The following CACNA1D variants were observed in gnomAD, a reference collection of about 807,000 sequenced individuals.
CACNA1D encodes voltage-dependent L-type calcium channel subunit alpha-1D.
CACNA1D carries 55 observed loss-of-function variants against 257.1 expected under a neutral mutation model. That is an observed-to-expected ratio of 0.21 (90% CI 0.17 to 0.27). CACNA1D has a LOEUF of 0.27. CACNA1D is among the 10% of genes least tolerant of loss of function. The pLI, the probability that CACNA1D is intolerant of heterozygous loss-of-function variation, is 1.00. For missense variants in CACNA1D, 1,876 were observed against 2,784.0 expected (o/e 0.67, Z 7.34); for synonymous variants, 980 against 1,014.9 (o/e 0.97, Z 0.65).
chr3:53,578,720 A>T (rs1575950980), intron 3 of CACNA1D, among the ~76,000 whole-genome samples: 1 of 152,218 alleles, frequency 6.6e-6, no homozygotes, highest in East Asian at 1.9e-4. Flanking sequence ...TTCTTCAGGG[A>T]AGGCCTCATG....
At chr3:53,632,193 C>T (rs1256876730) in intron 3 of CACNA1D, among the ~76,000 whole-genome samples, 1 of 152,222 alleles carries the variant, frequency 6.6e-6, no homozygotes, top group African/African-American at 2.4e-5. Context: ...CATCAGTGAT[C>T]TTAGATCGTC....
intron 39 of CACNA1D, 188 bp from the exon 40 acceptor site, chr3:53,786,634 G>C: frequency 1.7e-6 from 1 of 606,024 alleles, no homozygotes; most frequent in Non-Finnish European, 3.0e-6. Flanking sequence ...AGCCTTAGTT[G>C]CTTTGCAAAA....
intron 10 of CACNA1D, 194 bp downstream of exon 10, chr3:53,718,582 G>GC (rs1366626952): frequency 2.6e-4 from 89 of 337,806 alleles, no homozygotes; most frequent in Middle Eastern, 1.5e-3. Context: ...CCCACCCCCC[G>GC]CCCCCCCGCC....
chr3:53,638,542 G>T (rs1020528339), intron 3 of CACNA1D, among the ~76,000 whole-genome samples: 9 of 152,168 alleles, frequency 5.9e-5, no homozygotes, highest in African/African-American at 1.9e-4. Flanking sequence ...CTTGCCATGG[G>T]GTTTGCCACA....
At chr3:53,702,551 C>T (rs1200179967) in intron 8 of CACNA1D, 90 bp from the exon 9 acceptor site, 10 of 1,261,904 alleles carry the variant, frequency 7.9e-6, no homozygotes, top group South Asian at 1.3e-5. Flanking sequence ...TGTGTCCTGC[C>T]CACAAGACTG....
rs565239710 is a variant in CACNA1D, at chr3:53,558,835, A to G, written c.483+57115A>G. Among the ~76,000 whole-genome samples, 89 of 152,158 alleles carry G rather than the reference A, an allele frequency of 5.8e-4. 1 individual carries two copies. The highest frequency in any genetic ancestry group is 2.4e-3 in the Admixed American group (36 of 15,296). On this transcript the variant is annotated intron_variant, in intron 3 of 47. Transcript: ENST00000350061. ...TTAGCAATTTGTTTATGATCTTTCTAGGTATTGATTTCTTTGAGATAATCC... is the reference window on the plus strand; with the variant it reads ...TTAGCAATTTGTTTATGATCTTTCTGGGTATTGATTTCTTTGAGATAATCC...
Position 53,800,686 on chromosome 3 carries a change from T to C in CACNA1D, c.5040+321T>C. On this transcript the variant is annotated intron_variant, in intron 41 of 47. Coordinates refer to ENST00000350061, the MANE Select transcript of CACNA1D (RefSeq NM_001128840.3). The surrounding 1 kb of genome is among the most constrained non-coding windows in gnomAD (Gnocchi z 4.3). ...CAGCTGCCTTTGCTACCCTCCTCCTTCCCGGGCCAGCTCTTTGATCTGCCA... is the reference window on the plus strand; with the variant it reads ...CAGCTGCCTTTGCTACCCTCCTCCTCCCCGGGCCAGCTCTTTGATCTGCCA... 2.0e-6 allele frequency: 1 copy of C among 489,736 alleles called. No homozygotes were observed. The highest frequency in any genetic ancestry group is 3.7e-6 in the Non-Finnish European group (1 of 268,020). The allele number at this position is 489,736 out of a possible 1,614,324, so 30.3% of individuals were successfully genotyped here. A position where few individuals can be genotyped will look rare whatever the true frequency, so the allele number is the denominator to read the frequency against.
At chr3:53,560,526 T>G (rs2092719298) in intron 3 of CACNA1D, among the ~76,000 whole-genome samples, 1 of 152,186 alleles carries the variant, frequency 6.6e-6, no homozygotes, top group African/African-American at 2.4e-5. Flanking sequence ...GCTTAAATTT[T>G]CCTTACTTTA....
At chr3:53,507,081 A>AAC (rs1553707834) in intron 3 of CACNA1D, among the ~76,000 whole-genome samples, 4 of 151,066 alleles carry the variant, frequency 2.6e-5, no homozygotes, top group East Asian at 1.9e-4. Context: ...TCAAAAAAAA[A>AAC]AAAAAAAAAA....
intron 3 of CACNA1D, among the ~76,000 whole-genome samples, chr3:53,637,438 A>G (rs1175038637): frequency 8.2e-6 from 1 of 121,444 alleles, no homozygotes; most frequent in African/African-American, 3.2e-5. Flanking sequence ...TTGCTGCTCT[A>G]AGGTTTTTTT....
At chr3:53,502,329 A>G (rs1468733452) in intron 3 of CACNA1D, among the ~76,000 whole-genome samples, 2 of 152,168 alleles carry the variant, frequency 1.3e-5, no homozygotes, top group Non-Finnish European at 2.9e-5. Flanking sequence ...ATGCTTCCAT[A>G]TACTTTGCTG....
At chr3:53,634,820 A>G (rs972767325) in intron 3 of CACNA1D, among the ~76,000 whole-genome samples, 2 of 152,134 alleles carry the variant, frequency 1.3e-5, no homozygotes, top group African/African-American at 4.8e-5. Context: ...GGAGACTTTC[A>G]GTGCCTTGCC....
Position 53,744,848 on chromosome 3 carries a change from G to A in CACNA1D, c.3006+21G>A, listed in dbSNP as rs2253795. The stretch of plus-strand genomic sequence containing the variant: ...TTAAGGTTTTGATTCCTCTCCTCCC[G>A]GCTGGGCTGGCTTGGGTTGGGGTTG... On this transcript the variant is annotated intron_variant, in intron 23 of 47. Transcript: ENST00000350061. 499 of 1,431,732 alleles carry A rather than the reference G, an allele frequency of 3.5e-4. 1 individual carries two copies. Among genetic ancestry groups the A allele is most frequent in the African/African-American group, 3.5e-4 (25 of 71,290 alleles). 88.7% of individuals were successfully genotyped at this position (1,431,732 alleles called of 1,614,324 possible). A position where few individuals can be genotyped will look rare whatever the true frequency, so the allele number is the denominator to read the frequency against.
At chr3:53,691,839 TAC>T (rs1325766267) in intron 8 of CACNA1D, among the ~76,000 whole-genome samples, 4 of 115,314 alleles carry the variant, frequency 3.5e-5, no homozygotes, top group African/African-American at 9.9e-5. Flanking sequence ...TAATATATAT[TAC>T]ATATATAATA....
At chr3:53,628,702 T>C (rs1329845748) in intron 3 of CACNA1D, among the ~76,000 whole-genome samples, 2 of 152,198 alleles carry the variant, frequency 1.3e-5, no homozygotes, top group African/African-American at 4.8e-5. Flanking sequence ...GCGCCATATG[T>C]GACTGTGCCT....
intron 3 of CACNA1D, among the ~76,000 whole-genome samples, chr3:53,639,376 TTCTC>T (rs1286413981): frequency 6.6e-6 from 1 of 151,730 alleles, no homozygotes; most frequent in Admixed American, 6.6e-5. Context: ...GAAATGAGAT[TTCTC>T]TCTCTCTCTC....
intron 3 of CACNA1D, among the ~76,000 whole-genome samples, chr3:53,609,370 A>G (rs2093554192): frequency 7.0e-6 from 1 of 143,478 alleles, no homozygotes; most frequent in Non-Finnish European, 1.5e-5. Context: ...AGATTGCGCC[A>G]CTGCACTCCA....
chr3:53,623,361 T>G (rs2108055665), intron 3 of CACNA1D, among the ~76,000 whole-genome samples: 1 of 152,384 alleles, frequency 6.6e-6, no homozygotes, highest in South Asian at 2.1e-4. Context: ...TACAGAGGTC[T>G]GCACCTTCTT....
In CACNA1D at chr3:53,810,309, T is replaced by C; in HGVS notation, c.6192+11T>C. The C allele has an allele frequency of 6.2e-7, 1 of 1,612,768 alleles. No homozygotes were observed. Among genetic ancestry groups the C allele is most frequent in the East Asian group, 2.2e-5 (1 of 44,862 alleles). Reference sequence around the variant, plus strand: ...AGCTTGGTGGAGGCAGTGAGTACGGTTCTTGGCCGTGGTGGGCAGGAAGCA... The same window carrying C: ...AGCTTGGTGGAGGCAGTGAGTACGGCTCTTGGCCGTGGTGGGCAGGAAGCA... On this transcript the variant is annotated intron_variant, in intron 47 of 47. Transcript: ENST00000350061.
Sources: gnomAD v4.1 joint callset for allele counts (sites outside exome capture counted in the v4.1 genomes callset) on GRCh38, gnomAD v4.1.1 for gene constraint, Gnocchi (gnomAD v3.1) non-coding constraint, MANE v1.5 for transcripts, NCBI Gene and HGNC (gene_info 2026-07-23, HGNC 2026-07-21) for gene names.